The following CYRIB variants were observed in gnomAD, a reference collection of about 807,000 sequenced individuals.
CYRIB encodes CYFIP related Rac1 interactor B, also known as CYFIP-related Rac1 interactor B.
Under a neutral mutation model 44.2 loss-of-function variants are expected in CYRIB, and 8 were observed. The observed-to-expected ratio is 0.18, with a 90% CI of 0.11 to 0.33. The LOEUF is 0.33. Ranked by LOEUF, CYRIB falls within the 10% of genes least tolerant of loss-of-function variation. The pLI is 1.00. For missense variants in CYRIB, 185 were observed against 382.8 expected (o/e 0.48, Z 4.31); for synonymous variants, 131 against 127.2 (o/e 1.03, Z -0.20).
chr8:129,911,360 G>A (rs1368919955), intron 1 of CYRIB, among the ~76,000 whole-genome samples: 1 of 152,134 alleles, frequency 6.6e-6, no homozygotes, highest in Non-Finnish European at 1.5e-5. Flanking sequence ...AAATGAGGAA[G>A]GGAACAGAGG....
chr8:129,918,616 C>G (rs746392074), intron 1 of CYRIB, among the ~76,000 whole-genome samples: 3 of 152,168 alleles, frequency 2.0e-5, no homozygotes, highest in Non-Finnish European at 4.4e-5. Flanking sequence ...CTGTAGGCCT[C>G]ACAGCACATC....
intron 1 of CYRIB, among the ~76,000 whole-genome samples, chr8:129,910,401 A>T (rs1347300396): frequency 1.3e-5 from 2 of 151,826 alleles, no homozygotes; most frequent in Non-Finnish European, 2.9e-5. Flanking sequence ...CCAAAGATAC[A>T]TTCTAATTAA....
chr8:129,842,518 G>A (rs899114498), intron 11 of CYRIB, among the ~76,000 whole-genome samples: 2 of 152,204 alleles, frequency 1.3e-5, no homozygotes, highest in Non-Finnish European at 2.9e-5. Flanking sequence ...CTATCCCAGA[G>A]GCTGGCAAAT....
At chr8:129,959,614 TTAA>T (rs1208085595) in intron 2 of CYRIB, among the ~76,000 whole-genome samples, 1 of 152,054 alleles carries the variant, frequency 6.6e-6, no homozygotes, top group African/African-American at 2.4e-5. Flanking sequence ...ATCTCTATTA[TTAA>T]TATTTTAAAA....
upstream of CYRIB, among the ~76,000 whole-genome samples, chr8:129,940,537 T>C (rs751328897): frequency 6.6e-6 from 1 of 152,226 alleles, no homozygotes; most frequent in Non-Finnish European, 1.5e-5. Context: ...AACTTGGATG[T>C]GACAGAGGGC....
intron 4 of CYRIB, among the ~76,000 whole-genome samples, chr8:129,866,692 A>G (rs944678970): frequency 6.6e-6 from 1 of 152,236 alleles, no homozygotes. Context: ...GCTTTTCTAA[A>G]TATCAATTCA....
chr8:129,995,304 G>A (rs953731763), intron 1 of CYRIB, among the ~76,000 whole-genome samples: 1 of 152,196 alleles, frequency 6.6e-6, no homozygotes, highest in Non-Finnish European at 1.5e-5. Context: ...AGAGCCAAGT[G>A]TGAACAAAGG....
intron 1 of CYRIB, among the ~76,000 whole-genome samples, chr8:129,907,334 A>C (rs1194190202): frequency 6.6e-6 from 1 of 150,432 alleles, no homozygotes; most frequent in African/African-American, 2.5e-5. Context: ...ATTCTCAGCA[A>C]CCTATCGCAG....
At chr8:129,975,386 G>A (rs1484147249) in intron 1 of CYRIB, among the ~76,000 whole-genome samples, 1 of 152,210 alleles carries the variant, frequency 6.6e-6, no homozygotes, top group East Asian at 1.9e-4. Context: ...TTACAATTCT[G>A]TGTCCTCCTA....
intron 2 of CYRIB, among the ~76,000 whole-genome samples, chr8:129,883,856 TTAA>T (rs35805564): frequency 0.18 from 27,873 of 152,048 alleles, 2,702 homozygotes; most frequent in Non-Finnish European, 0.21. Context: ...ATTAAATGGG[TTAA>T]TAATAAGCAC....
At chr8:129,983,556 G>T (rs565681080) in intron 1 of CYRIB, among the ~76,000 whole-genome samples, 1 of 152,362 alleles carries the variant, frequency 6.6e-6, no homozygotes, top group South Asian at 2.1e-4. Flanking sequence ...TGGGCAGCAG[G>T]CACTGGGTGG....
intron 4 of CYRIB, among the ~76,000 whole-genome samples, chr8:129,870,766 A>G (rs1446923931): frequency 6.6e-6 from 1 of 152,180 alleles, no homozygotes; most frequent in African/African-American, 2.4e-5. Flanking sequence ...TCCTCTGTGT[A>G]GTTCTGGACA....
At chr8:129,868,038 G>C (rs903208417) in intron 4 of CYRIB, among the ~76,000 whole-genome samples, 2 of 152,122 alleles carry the variant, frequency 1.3e-5, no homozygotes, top group African/African-American at 2.4e-5. Context: ...TCTGTTGTCT[G>C]TGCTTTTTTA....
intron 1 of CYRIB, among the ~76,000 whole-genome samples, chr8:129,979,142 A>C (rs1443332209): frequency 2.0e-5 from 3 of 152,000 alleles, no homozygotes; most frequent in African/African-American, 7.2e-5. Flanking sequence ...CTCTGTCTCA[A>C]AATAAATAAA....
At chr8:129,907,855 A>T (rs2076220311) in intron 1 of CYRIB, among the ~76,000 whole-genome samples, 1 of 152,180 alleles carries the variant, frequency 6.6e-6, no homozygotes, top group Non-Finnish European at 1.5e-5. Flanking sequence ...TACAAAAATC[A>T]ACCAGGCATG....
At chr8:130,016,860 G>C (rs976901622), upstream of CYRIB, among the ~76,000 whole-genome samples, 2 of 152,064 alleles carry the variant, frequency 1.3e-5, no homozygotes, top group Non-Finnish European at 2.9e-5. Flanking sequence ...CTGCGATTGG[G>C]GGTCATCGCC....
intron 2 of CYRIB, among the ~76,000 whole-genome samples, chr8:129,960,958 A>AG (rs975078972): frequency 2.0e-5 from 3 of 151,128 alleles, no homozygotes; most frequent in African/African-American, 7.3e-5. Context: ...TCAAAAAAAA[A>AG]AAAAAAAGAA....
intron 7 of CYRIB, among the ~76,000 whole-genome samples, chr8:129,853,230 A>G (rs2044304121): frequency 6.6e-6 from 1 of 152,240 alleles, no homozygotes; most frequent in South Asian, 2.1e-4. Context: ...GGATGGGTAT[A>G]GTATAGGATT....
At chr8:129,876,459 T>C (rs1042729681) in intron 3 of CYRIB, among the ~76,000 whole-genome samples, 10 of 152,182 alleles carry the variant, frequency 6.6e-5, no homozygotes, top group African/African-American at 2.2e-4. Flanking sequence ...TGTATCTTAG[T>C]TATTTTGCAA....
Sources: allele counts gnomAD v4.1 joint callset (sites outside exome capture counted in the v4.1 genomes callset), GRCh38; gene constraint gnomAD v4.1.1; transcripts MANE v1.5; gene names NCBI Gene and HGNC (gene_info 2026-07-23, HGNC 2026-07-21).